DLG2: variants seen among roughly 807,000 people sequenced by gnomAD.
DLG2 encodes disks large homolog 2.
DLG2 carries 45 observed loss-of-function variants against 132.5 expected under a neutral mutation model. That is an observed-to-expected ratio of 0.34 (90% CI 0.27 to 0.44). DLG2 has a LOEUF of 0.44. Ranked by LOEUF, DLG2 falls within the 20% of genes least tolerant of loss-of-function variation. The pLI, the probability that DLG2 is intolerant of heterozygous loss-of-function variation, is 1.00. For synonymous variants in DLG2, 424 were observed against 419.6 expected (o/e 1.01, Z -0.13); for missense variants, 1,045 against 1,196.9 (o/e 0.87, Z 1.87).
intron 6 of DLG2, among the ~76,000 whole-genome samples, chr11:84,974,066 T>G (rs146314951): frequency 6.7e-4 from 102 of 152,298 alleles, no homozygotes; most frequent in African/African-American, 2.4e-3. Context: ...ATACAGATAC[T>G]GTTCTCCCAA....
At chr11:85,355,138 A>C (rs1417540566) in intron 3 of DLG2, among the ~76,000 whole-genome samples, 1 of 152,186 alleles carries the variant, frequency 6.6e-6, no homozygotes, top group African/African-American at 2.4e-5. Flanking sequence ...TTTATACTAA[A>C]TAGTTCAGTG....
chr11:84,537,348 C>A (rs968092738), intron 6 of DLG2, among the ~76,000 whole-genome samples: 1 of 152,058 alleles, frequency 6.6e-6, no homozygotes, highest in African/African-American at 2.4e-5. Context: ...GCAGGTGATC[C>A]GTCCACCTCA....
At chr11:83,753,906 C>A (rs1306337080) in intron 18 of DLG2, among the ~76,000 whole-genome samples, 1 of 99,952 alleles carries the variant, frequency 1.0e-5, no homozygotes, top group Non-Finnish European at 2.0e-5. Flanking sequence ...ATATATATTT[C>A]ATATATATTT....
At chr11:85,452,625 TG>T in intron 3 of DLG2, 1 of 201,020 alleles carries the variant, frequency 5.0e-6, no homozygotes, top group Non-Finnish European at 1.1e-5. Context: ...TGGGAGGATG[TG>T]GACCATCTCC....
At chr11:83,953,755 C>A (rs956546115) in intron 14 of DLG2, among the ~76,000 whole-genome samples, 1 of 152,164 alleles carries the variant, frequency 6.6e-6, no homozygotes, top group Admixed American at 6.5e-5. Context: ...TTTCTTGAGT[C>A]ACAGTATAAA....
chr11:84,506,650 A>C (rs976894456), intron 7 of DLG2, among the ~76,000 whole-genome samples: 6 of 152,212 alleles, frequency 3.9e-5, no homozygotes, highest in African/African-American at 1.4e-4. Context: ...CTGACATCCC[A>C]AACTGTAAGA....
intron 6 of DLG2, among the ~76,000 whole-genome samples, chr11:84,555,972 C>T (rs997831239): frequency 2.0e-5 from 3 of 152,182 alleles, no homozygotes; most frequent in Non-Finnish European, 4.4e-5. Context: ...CCAATGAGCT[C>T]AGCCCCTGCC....
At chr11:84,341,319 G>A (rs1244514468) in intron 7 of DLG2, among the ~76,000 whole-genome samples, 4 of 152,118 alleles carry the variant, frequency 2.6e-5, no homozygotes, top group African/African-American at 9.7e-5. Context: ...GGTGGTAGTA[G>A]TTGTGGTTGT....
rs557435394 is a variant in DLG2 at position 84,371,321 on chromosome 11, T to C, written c.520-120030A>G. Reference sequence around the variant, plus strand: ...CTAGGGTACAACAGTGGCACAACCATGGTTTACTGCAGCCTCAACCACCCA... The same window carrying C: ...CTAGGGTACAACAGTGGCACAACCACGGTTTACTGCAGCCTCAACCACCCA... On this transcript the variant is annotated intron_variant, in intron 7 of 27. Coordinates refer to ENST00000376104, the MANE Select transcript of DLG2 (RefSeq NM_001142699.3). Among the ~76,000 whole-genome samples, 62 of 151,272 alleles carry C rather than the reference T, an allele frequency of 4.1e-4. 2 individuals carry two copies. The South Asian group carries it at 0.012, about 30-fold the overall frequency.
chr11:84,237,517 A>C (rs1408882104), intron 8 of DLG2, among the ~76,000 whole-genome samples: 1 of 152,206 alleles, frequency 6.6e-6, no homozygotes, highest in African/African-American at 2.4e-5. Context: ...CTGAGTTTCC[A>C]AAATAAAATA....
rs967297185 is a variant in DLG2 at position 83,850,678 on chromosome 11, C to A, written c.1566-16908G>T. On this transcript the variant is annotated intron_variant, in intron 16 of 27. Coordinates refer to ENST00000376104, the MANE Select transcript of DLG2 (RefSeq NM_001142699.3). ...ATCAGGAAGAGGTTCTTAGACAGGG[C>A]AAACAGAGATTCAATTCTTAATACT... Among the ~76,000 whole-genome samples, 5 of 152,164 alleles carry A rather than the reference C, an allele frequency of 3.3e-5. No individual in the cohort carries two copies. In the East Asian group the frequency reaches 7.7e-4, roughly 23 times the overall value.
At chr11:84,679,523 T>C (rs2099723424) in intron 6 of DLG2, among the ~76,000 whole-genome samples, 1 of 152,070 alleles carries the variant, frequency 6.6e-6, no homozygotes, top group South Asian at 2.1e-4. Flanking sequence ...AGAAAGAATA[T>C]GGATTTTCAT....
At chr11:85,159,659 T>C (rs1006465617) in intron 4 of DLG2, among the ~76,000 whole-genome samples, 9 of 152,182 alleles carry the variant, frequency 5.9e-5, no homozygotes, top group Admixed American at 1.3e-4. Flanking sequence ...TATGGTATCA[T>C]TGCTTGAGCA....
intron 6 of DLG2, among the ~76,000 whole-genome samples, chr11:84,864,254 C>A (rs557412348): frequency 4.6e-5 from 7 of 152,222 alleles, no homozygotes; most frequent in African/African-American, 1.4e-4. Context: ...TCCCTTCTGA[C>A]CAGGCAAGAA....
At chr11:85,089,009 C>T (rs2068353503) in intron 6 of DLG2, among the ~76,000 whole-genome samples, 1 of 152,182 alleles carries the variant, frequency 6.6e-6, no homozygotes, top group Non-Finnish European at 1.5e-5. Context: ...AATATCTCCT[C>T]TTTTATGCTT....
chr11:84,765,175 G>A (rs2068227563), intron 6 of DLG2, among the ~76,000 whole-genome samples: 1 of 151,966 alleles, frequency 6.6e-6, no homozygotes, highest in African/African-American at 2.4e-5. Context: ...CTAGGTTTTT[G>A]GATCCTCCAT....
At chr11:83,914,277 G>A (rs1392872992) in intron 15 of DLG2, among the ~76,000 whole-genome samples, 1 of 152,062 alleles carries the variant, frequency 6.6e-6, no homozygotes, top group Non-Finnish European at 1.5e-5. Context: ...CTTCTCTCTT[G>A]CTCTCTTCCT....
At chr11:84,669,788 G>T (rs936560571) in intron 6 of DLG2, among the ~76,000 whole-genome samples, 5 of 152,106 alleles carry the variant, frequency 3.3e-5, no homozygotes, top group African/African-American at 4.8e-5. Context: ...TTTAGGCTTG[G>T]ACTCCTAAGT....
intron 6 of DLG2, among the ~76,000 whole-genome samples, chr11:84,872,597 T>C (rs549876539): frequency 2.0e-4 from 31 of 152,328 alleles, no homozygotes; most frequent in Middle Eastern, 3.4e-3. Context: ...ACAAAAGAGA[T>C]AACATTTAGG....
Sources: allele counts gnomAD v4.1 joint callset (sites outside exome capture counted in the v4.1 genomes callset), GRCh38; gene constraint gnomAD v4.1.1; transcripts MANE v1.5; gene names NCBI Gene and HGNC (gene_info 2026-07-23, HGNC 2026-07-21).